CSNK1G3: variants seen among roughly 807,000 people sequenced by gnomAD.
CSNK1G3 encodes casein kinase 1 gamma 3.
CSNK1G3 carries 23 observed loss-of-function variants against 64.3 expected under a neutral mutation model. The ratio of observed to expected loss-of-function variants is 0.36; its 90% CI spans 0.26 to 0.51. The LOEUF (loss-of-function observed/expected upper bound fraction) is 0.51. Among genes scored for constraint, CSNK1G3 ranks in the 20% least tolerant of loss-of-function variants. The pLI, the probability that CSNK1G3 is intolerant of heterozygous loss-of-function variation, is 0.96. For missense variants in CSNK1G3, 357 were observed against 510.5 expected (o/e 0.70, Z 2.90); for synonymous variants, 158 against 162.2 (o/e 0.97, Z 0.20).
chr5:123,588,336 C>CA, intron 7 of CSNK1G3, 91 bp from the exon 8 acceptor site: 26 of 1,205,224 alleles, frequency 2.2e-5, no homozygotes, highest in Non-Finnish European at 2.8e-5. Flanking sequence ...CTTGGCCTTC[C>CA]AAAGCTCTGT....
exon 1 of CSNK1G3, chr5:123,512,239 C>T (rs1238433117): frequency 6.6e-6 from 1 of 152,218 alleles, no homozygotes; most frequent in African/African-American, 2.4e-5. Context: ...TGTTTGACCT[C>T]CGGATAAGCG....
chr5:123,572,430 T>C (rs1454216941), intron 4 of CSNK1G3, among the ~76,000 whole-genome samples: 1 of 152,214 alleles, frequency 6.6e-6, no homozygotes, highest in Non-Finnish European at 1.5e-5. Context: ...TCATAATGAA[T>C]TATTACTATC....
intron 12 of CSNK1G3, among the ~76,000 whole-genome samples, chr5:123,614,020 C>G (rs925624819): frequency 2.6e-5 from 4 of 152,110 alleles, no homozygotes; most frequent in Middle Eastern, 3.2e-3. Context: ...ATGGCTTCAA[C>G]AGTCACATAT....
chr5:123,558,294 T>C (rs1479396456), intron 4 of CSNK1G3, among the ~76,000 whole-genome samples: 1 of 152,210 alleles, frequency 6.6e-6, no homozygotes, highest in African/African-American at 2.4e-5. Context: ...TTAGATAAAC[T>C]CTAAATTCAA....
chr5:123,564,058 T>G (rs1473110713), intron 4 of CSNK1G3, among the ~76,000 whole-genome samples: 1 of 152,066 alleles, frequency 6.6e-6, no homozygotes, highest in Non-Finnish European at 1.5e-5. Context: ...TCTCTCTGTA[T>G]GGAAATTTCT....
intron 3 of CSNK1G3, among the ~76,000 whole-genome samples, chr5:123,554,372 A>G (rs562302157): frequency 3.3e-5 from 5 of 152,292 alleles, no homozygotes; most frequent in South Asian, 2.1e-4. Context: ...AGTTCACACT[A>G]TCAAGCTCTC....
At chr5:123,520,067 C>G (rs910610098) in intron 1 of CSNK1G3, among the ~76,000 whole-genome samples, 2 of 152,036 alleles carry the variant, frequency 1.3e-5, no homozygotes, top group African/African-American at 4.8e-5. Flanking sequence ...CTCAAGCAGT[C>G]AACAACAATG....
exon 13 of CSNK1G3, chr5:123,614,515 G>T: frequency 9.3e-6 from 7 of 753,462 alleles, no homozygotes; most frequent in East Asian, 3.1e-5. Flanking sequence ...AAACAAAAAT[G>T]TCATACTTTC....
chr5:123,579,259 C>A (rs758480730), intron 6 of CSNK1G3, among the ~76,000 whole-genome samples: 1 of 149,590 alleles, frequency 6.7e-6, no homozygotes, highest in African/African-American at 2.5e-5. Flanking sequence ...TCTTTTCAGA[C>A]ATCTGAAATG....
intron 1 of CSNK1G3, among the ~76,000 whole-genome samples, chr5:123,544,104 G>A (rs1417960219): frequency 6.6e-6 from 1 of 152,082 alleles, no homozygotes; most frequent in African/African-American, 2.4e-5. Context: ...CTTATCACCA[G>A]ACCCTCTGCT....
At chr5:123,538,897 A>T (rs1781245910) in intron 1 of CSNK1G3, among the ~76,000 whole-genome samples, 1 of 152,160 alleles carries the variant, frequency 6.6e-6, no homozygotes, top group Non-Finnish European at 1.5e-5. Flanking sequence ...ATGATTAGTG[A>T]TTTTAGCGTC....
At chr5:123,512,814 G>A (rs1438148210) in intron 1 of CSNK1G3, among the ~76,000 whole-genome samples, 1 of 151,708 alleles carries the variant, frequency 6.6e-6, no homozygotes, top group African/African-American at 2.4e-5. Context: ...GGGCTAGGGG[G>A]CAGCGGGGGC....
chr5:123,527,301 A>G (rs535051512), intron 1 of CSNK1G3, among the ~76,000 whole-genome samples: 1 of 152,210 alleles, frequency 6.6e-6, no homozygotes, highest in African/African-American at 2.4e-5. Flanking sequence ...CCTTGTGTTC[A>G]TTTTGGGGTT....
exon 6 of CSNK1G3, chr5:123,575,734 T>C: frequency 6.2e-7 from 1 of 1,606,992 alleles, no homozygotes; most frequent in South Asian, 1.1e-5. Context: ...CCAAGATTTC[T>C]CGCATGGAAT....
intron 2 of CSNK1G3, among the ~76,000 whole-genome samples, chr5:123,547,064 G>A (rs1408447193): frequency 6.6e-6 from 1 of 152,038 alleles, no homozygotes; most frequent in Non-Finnish European, 1.5e-5. Context: ...TTTATAATCT[G>A]TTATTATTGT....
chr5:123,547,779 G>A (rs570758868), intron 2 of CSNK1G3, among the ~76,000 whole-genome samples: 4 of 151,872 alleles, frequency 2.6e-5, no homozygotes, highest in East Asian at 1.9e-4. Context: ...TAATATGTAC[G>A]CATAGAGCTA....
rs115019647 is a variant in CSNK1G3 at position 123,605,436 on chromosome 5, C to T, written c.1217+74C>T. The stretch of plus-strand genomic sequence containing the variant: ...TCAAAGATTTAGCATCATTTTGTGT[C>T]TTTTGAAAACAAAACTCTCAACACA... On this transcript the variant is annotated intron_variant, in intron 12 of 12. Transcript: ENST00000345990. 5,682 of 1,493,328 alleles carry T rather than the reference C, an allele frequency of 3.8e-3. 179 individuals carry two copies. In the African/African-American group the frequency reaches 0.069, roughly 18 times the overall value. 92.5% of individuals were successfully genotyped at this position (1,493,328 alleles called of 1,614,324 possible). A position where few individuals can be genotyped will look rare whatever the true frequency, so the allele number is the denominator to read the frequency against.
chr5:123,603,622 C>T (rs1794858735), intron 10 of CSNK1G3, among the ~76,000 whole-genome samples: 1 of 152,106 alleles, frequency 6.6e-6, no homozygotes, highest in African/African-American at 2.4e-5. Flanking sequence ...AACATAATTT[C>T]TGTGCTGTGT....
intron 7 of CSNK1G3, 132 bp downstream of exon 7, chr5:123,588,285 C>G: frequency 9.8e-7 from 1 of 1,021,366 alleles, no homozygotes; most frequent in Non-Finnish European, 1.5e-6. Flanking sequence ...CTGTGTTGCC[C>G]AGGCTGGTCT....
Sources: gnomAD v4.1 joint callset for allele counts (sites outside exome capture counted in the v4.1 genomes callset) on GRCh38, gnomAD v4.1.1 for gene constraint, MANE v1.5 for transcripts, NCBI Gene and HGNC (gene_info 2026-07-23, HGNC 2026-07-21) for gene names.